HCN1: variants seen among roughly 807,000 people sequenced by gnomAD.
HCN1 encodes hyperpolarization activated cyclic nucleotide gated potassium channel 1, also known as potassium/sodium hyperpolarization-activated cyclic nucleotide-gated channel 1.
HCN1 carries 13 observed loss-of-function variants against 78.9 expected under a neutral mutation model. That is an observed-to-expected ratio of 0.16 (90% confidence interval 0.11 to 0.26). The LOEUF is 0.26. Ranked by LOEUF, HCN1 falls within the 10% of genes least tolerant of loss-of-function variation. The pLI, the probability that HCN1 is intolerant of heterozygous loss-of-function variation, is 1.00. For synonymous variants in HCN1, 552 were observed against 455.5 expected (o/e 1.21, Z -2.70); for missense variants, 810 against 1,154.3 (o/e 0.70, Z 4.32).
intron 2 of HCN1, among the ~76,000 whole-genome samples, chr5:45,553,724 G>T (rs1355183683): frequency 6.6e-6 from 1 of 151,858 alleles, no homozygotes; most frequent in Non-Finnish European, 1.5e-5. Context: ...ATCTCCAGGT[G>T]ACTTATAATA....
At chr5:45,377,245 G>A (rs2112021408) in intron 4 of HCN1, among the ~76,000 whole-genome samples, 1 of 152,076 alleles carries the variant, frequency 6.6e-6, no homozygotes, top group Non-Finnish European at 1.5e-5. Flanking sequence ...AATGGTGGCA[G>A]TCGGAATTCA....
chr5:45,549,780 A>T (rs900715296), intron 2 of HCN1, among the ~76,000 whole-genome samples: 137 of 152,244 alleles, frequency 9.0e-4, no homozygotes, highest in Non-Finnish European at 1.7e-3. Flanking sequence ...GAATCTACAA[A>T]GAACTCAAAC....
chr5:45,637,586 T>C (rs1280341636), intron 2 of HCN1, among the ~76,000 whole-genome samples: 1 of 151,086 alleles, frequency 6.6e-6, no homozygotes, highest in Admixed American at 6.6e-5. Context: ...AGATCCATTA[T>C]AGATGGAACT....
chr5:45,388,553 T>C (rs1245904591), intron 4 of HCN1, among the ~76,000 whole-genome samples: 2 of 152,064 alleles, frequency 1.3e-5, no homozygotes, highest in Non-Finnish European at 2.9e-5. Flanking sequence ...CAAGCCCCAC[T>C]GCAAATTTAA....
rs902261449 is a variant in HCN1 at position 45,424,625 on chromosome 5, T to C, written c.1012-27915A>G. On this transcript the variant is annotated intron_variant, in intron 3 of 7. Transcript: ENST00000303230. ...TAAAATCACAAATATTATTAAATTA[T>C]TTCATAAACTACATTTGGAGATTTT... Among the ~76,000 whole-genome samples the C allele has an allele frequency of 3.3e-5, 5 of 152,310 alleles. No homozygotes were observed. The South Asian group carries it at 8.3e-4, about 25-fold the overall frequency.
intron 5 of HCN1, among the ~76,000 whole-genome samples, chr5:45,318,849 C>T (rs938899746): frequency 1.3e-5 from 2 of 151,862 alleles, no homozygotes; most frequent in Non-Finnish European, 2.9e-5. Flanking sequence ...GCTCCTTTTG[C>T]CTCATCTTAG....
chr5:45,303,229 T>C (rs1195378083), intron 6 of HCN1, among the ~76,000 whole-genome samples: 1 of 152,126 alleles, frequency 6.6e-6, no homozygotes, highest in Non-Finnish European at 1.5e-5. Flanking sequence ...CCCCATTATA[T>C]GGGCCGTATC....
At chr5:45,472,135 A>T (rs1451874847) in intron 2 of HCN1, among the ~76,000 whole-genome samples, 2 of 151,874 alleles carry the variant, frequency 1.3e-5, no homozygotes, top group Non-Finnish European at 2.9e-5. Flanking sequence ...GCTTAAGGCA[A>T]ACAAAACTTG....
chr5:45,615,545 G>A (rs907564265), intron 2 of HCN1, among the ~76,000 whole-genome samples: 1 of 151,958 alleles, frequency 6.6e-6, no homozygotes, highest in African/African-American at 2.4e-5. Context: ...TTGATTGAAA[G>A]CATTCTCAGT....
intron 2 of HCN1, among the ~76,000 whole-genome samples, chr5:45,560,208 C>T (rs1743566994): frequency 6.6e-6 from 1 of 152,038 alleles, no homozygotes; most frequent in African/African-American, 2.4e-5. Context: ...GGTCTGGAAC[C>T]AAACCTGCAA....
intron 2 of HCN1, among the ~76,000 whole-genome samples, chr5:45,508,169 G>T (rs1404752575): frequency 1.3e-5 from 2 of 152,002 alleles, no homozygotes; most frequent in African/African-American, 4.8e-5. Context: ...TAACTCTTAA[G>T]GTTCATGTGA....
At chr5:45,459,190 C>G (rs182286583) in intron 3 of HCN1, among the ~76,000 whole-genome samples, 1 of 151,736 alleles carries the variant, frequency 6.6e-6, no homozygotes, top group Non-Finnish European at 1.5e-5. Context: ...GATCACATGA[C>G]TCCAGGAGTT....
rs894086520 is a variant in HCN1 at position 45,261,996 on chromosome 5, A to C, written c.2598T>G (p.Ala866=). ...VPPAPPPPAA[A]LPRESSSVLN... ...AGACTGAGGAAGATTCTCTTGGAAG[A>C]GCAGCTGCTGGTGGAGGGGGTGCTG... Residue 866 remains alanine (A), a synonymous_variant, in exon 8 of 8, where the codon GCT becomes GCG. Coordinates refer to ENST00000303230, the MANE Select transcript of HCN1 (RefSeq NM_021072.4). 4 of 1,613,968 alleles carry C rather than the reference A, an allele frequency of 2.5e-6. No individual in the cohort carries two copies. Among genetic ancestry groups the C allele is most frequent in the Non-Finnish European group, 3.4e-6 (4 of 1,179,996 alleles).
At chr5:45,328,869 A>G (rs937322957) in intron 5 of HCN1, among the ~76,000 whole-genome samples, 1 of 151,618 alleles carries the variant, frequency 6.6e-6, no homozygotes, top group Non-Finnish European at 1.5e-5. Flanking sequence ...ATTAGCATCT[A>G]CTTTGCATAG....
chr5:45,530,959 G>A lies in HCN1; in HGVS notation c.850-68952C>T, dbSNP rs1420766940. On this transcript the variant is annotated intron_variant, in intron 2 of 7. Transcript: ENST00000303230. ...AGACAAAAAGACTAATGGTGGTGGT[G>A]GTAGACAGGTTTTTCTAAAAATGGA... 3.3e-5 allele frequency among the ~76,000 whole-genome samples: 5 copies of A among 152,076 alleles called. No homozygotes were observed. The East Asian group carries it at 7.8e-4, about 24-fold the overall frequency.
intron 4 of HCN1, among the ~76,000 whole-genome samples, chr5:45,373,799 T>C (rs1219836263): frequency 3.2e-5 from 4 of 124,530 alleles, no homozygotes; most frequent in African/African-American, 1.3e-4. Flanking sequence ...ATATACGTCA[T>C]CTATAATATA....
intron 2 of HCN1, among the ~76,000 whole-genome samples, chr5:45,523,864 A>G (rs145359883): frequency 0.046 from 6,925 of 152,144 alleles, 562 homozygotes; most frequent in African/African-American, 0.16. Context: ...CTTTAGTTTA[A>G]TTAGATCCCA....
chr5:45,454,308 T>G (rs1323287152), intron 3 of HCN1, among the ~76,000 whole-genome samples: 2 of 151,976 alleles, frequency 1.3e-5, no homozygotes, highest in African/African-American at 2.4e-5. Flanking sequence ...AGAGAGCAGT[T>G]GCCAGGCAGA....
chr5:45,455,253 G>A (rs1439551889), intron 3 of HCN1, among the ~76,000 whole-genome samples: 4 of 152,122 alleles, frequency 2.6e-5, no homozygotes, highest in African/African-American at 9.6e-5. Context: ...ACCAGCACTT[G>A]AACCATGCTC....
Sources: allele counts gnomAD v4.1 joint callset (sites outside exome capture counted in the v4.1 genomes callset), GRCh38; gene constraint gnomAD v4.1.1; transcripts MANE v1.5; gene names NCBI Gene and HGNC (gene_info 2026-07-23, HGNC 2026-07-21).